KPNA1: variants seen among roughly 807,000 people sequenced by gnomAD.
KPNA1 encodes importin subunit alpha-5.
A neutral mutation model predicts 70.5 loss-of-function variants in KPNA1; 10 were observed. The ratio of observed to expected loss-of-function variants is 0.14; its 90% CI spans 0.09 to 0.24. The LOEUF (loss-of-function observed/expected upper bound fraction) is 0.24. Among genes scored for constraint, KPNA1 ranks in the 10% least tolerant of loss-of-function variants. The probability of loss-of-function intolerance (pLI) is 1.00; values close to 1 mark genes in which losing one functional copy is unlikely to be tolerated. For synonymous variants in KPNA1, 192 were observed against 221.9 expected (o/e 0.87, Z 1.20); for missense variants, 397 against 637.9 (o/e 0.62, Z 4.07).
At chr3:122,433,391 T>G (rs1453092676) in intron 12 of KPNA1, 1 of 312,422 alleles carries the variant, frequency 3.2e-6, no homozygotes, top group Admixed American at 4.9e-5. Context: ...AAGCCTCGAC[T>G]ATGCCTACTT....
rs1487539740 is a variant in KPNA1 at position 122,436,948 on chromosome 3, T to A, written c.1122+222A>T. ...ACCTGCCACTGCGACTGGCTAATTTTTTTGTATTTTTAGTAGAGACAAGGT... is the reference window on the plus strand; with the variant it reads ...ACCTGCCACTGCGACTGGCTAATTTATTTGTATTTTTAGTAGAGACAAGGT... On this transcript the variant is annotated intron_variant, in intron 11 of 13. Coordinates refer to ENST00000344337, the MANE Select transcript of KPNA1 (RefSeq NM_002264.4). 4.6e-5 allele frequency among the ~76,000 whole-genome samples: 7 copies of A among 152,220 alleles called. No homozygotes were observed. The East Asian group carries it at 1.4e-3, about 29-fold the overall frequency.
intron 2 of KPNA1, among the ~76,000 whole-genome samples, chr3:122,489,620 G>A (rs1014325593): frequency 6.6e-6 from 1 of 152,020 alleles, no homozygotes; most frequent in East Asian, 1.9e-4. Flanking sequence ...CATGGAATAT[G>A]GTATGGTTAT....
intron 12 of KPNA1, among the ~76,000 whole-genome samples, chr3:122,429,218 A>G (rs1032312145): frequency 1.3e-5 from 2 of 152,166 alleles, no homozygotes; most frequent in African/African-American, 2.4e-5. Flanking sequence ...CGGGAGGCCA[A>G]CGCGGGTGGA....
chr3:122,431,724 C>A (rs868036464), intron 12 of KPNA1, among the ~76,000 whole-genome samples: 13 of 151,998 alleles, frequency 8.6e-5, no homozygotes, highest in South Asian at 4.1e-4. Context: ...GCTTCTCTAA[C>A]AGAGCAAAAT....
chr3:122,425,873 G>A lies in KPNA1; in HGVS notation c.*1112C>T, dbSNP rs555510827. The A allele has an allele frequency of 1.3e-5, 2 of 152,606 alleles. No homozygotes were observed. The highest frequency in any genetic ancestry group is 2.1e-4 in the South Asian group (1 of 4,826). 9.5% of individuals were successfully genotyped at this position (152,606 alleles called of 1,614,324 possible). A position where few individuals can be genotyped will look rare whatever the true frequency, so the allele number is the denominator to read the frequency against. On this transcript the variant is annotated 3_prime_UTR_variant, in exon 14 of 14. Transcript: ENST00000344337. ...ATAAGGATGCTACATTAAAGGAATCGTGTGCAGCATGAAAAGATTAGAATC... is the reference window on the plus strand; with the variant it reads ...ATAAGGATGCTACATTAAAGGAATCATGTGCAGCATGAAAAGATTAGAATC...
chr3:122,485,955 G>A (rs989416888), intron 2 of KPNA1, among the ~76,000 whole-genome samples: 2 of 152,098 alleles, frequency 1.3e-5, no homozygotes, highest in Admixed American at 6.6e-5. Flanking sequence ...CCTCAGAATA[G>A]CTGAAATAGA....
At chr3:122,472,896 C>T (rs759246465) in intron 2 of KPNA1, among the ~76,000 whole-genome samples, 9 of 151,888 alleles carry the variant, frequency 5.9e-5, no homozygotes, top group Non-Finnish European at 8.8e-5. Context: ...GTGTGGCCAA[C>T]GCGGCAAAAC....
intron 1 of KPNA1, among the ~76,000 whole-genome samples, chr3:122,506,210 A>AT (rs1200196848): frequency 6.6e-6 from 1 of 152,244 alleles, no homozygotes; most frequent in Admixed American, 6.5e-5. Context: ...TTTAAAATCC[A>AT]TAATACTCTT....
At chr3:122,446,483 A>G (rs1045821451) in intron 9 of KPNA1, among the ~76,000 whole-genome samples, 1 of 152,260 alleles carries the variant, frequency 6.6e-6, no homozygotes, top group Non-Finnish European at 1.5e-5. Context: ...ATGAAAACAA[A>G]GACACAACAT....
intron 10 of KPNA1, among the ~76,000 whole-genome samples, chr3:122,441,090 T>C (rs1027728710): frequency 5.3e-5 from 8 of 152,204 alleles, no homozygotes; most frequent in African/African-American, 1.9e-4. Context: ...GGGTAATCAC[T>C]GACATTATAA....
At chr3:122,493,478 C>A (rs1225651947) in intron 2 of KPNA1, among the ~76,000 whole-genome samples, 1 of 152,090 alleles carries the variant, frequency 6.6e-6, no homozygotes, top group Non-Finnish European at 1.5e-5. Flanking sequence ...GAGGGATATA[C>A]TGTTGAGAAG....
intron 5 of KPNA1, among the ~76,000 whole-genome samples, chr3:122,454,684 A>G (rs1319655498): frequency 6.6e-6 from 1 of 152,210 alleles, no homozygotes; most frequent in African/African-American, 2.4e-5. Flanking sequence ...CATAATGAAA[A>G]GAAATGACAA....
intron 4 of KPNA1, among the ~76,000 whole-genome samples, chr3:122,462,219 A>G (rs2076331702): frequency 6.8e-6 from 1 of 147,356 alleles, no homozygotes; most frequent in African/African-American, 2.5e-5. Flanking sequence ...ATAGGCAACA[A>G]CAACAACAAA....
At chr3:122,503,281 A>C (rs2076851342) in intron 1 of KPNA1, among the ~76,000 whole-genome samples, 1 of 152,142 alleles carries the variant, frequency 6.6e-6, no homozygotes, top group Admixed American at 6.5e-5. Context: ...AAAGAAAGAA[A>C]GAATAAATGA....
intron 2 of KPNA1, among the ~76,000 whole-genome samples, chr3:122,468,724 AAC>A (rs2076409006): frequency 6.6e-6 from 1 of 152,232 alleles, no homozygotes; most frequent in Non-Finnish European, 1.5e-5. Context: ...AGCATACAAG[AAC>A]AGATAGGCAA....
intron 5 of KPNA1, chr3:122,460,112 C>G (rs2076307049): frequency 2.0e-6 from 2 of 985,200 alleles, no homozygotes; most frequent in Middle Eastern, 5.2e-4. Flanking sequence ...ATTTTTATAG[C>G]TGCATAGTCT....
chr3:122,441,634 T>C (rs1299373397), intron 10 of KPNA1, among the ~76,000 whole-genome samples: 1 of 151,990 alleles, frequency 6.6e-6, no homozygotes, highest in Non-Finnish European at 1.5e-5. Context: ...GGAGTCTCAC[T>C]CTGTTGCCCA....
At chr3:122,459,534 T>C in intron 5 of KPNA1, 1 of 985,488 alleles carries the variant, frequency 1.0e-6, no homozygotes. Context: ...GGGATCAGGC[T>C]CTGTTCTCTG....
intron 12 of KPNA1, among the ~76,000 whole-genome samples, chr3:122,429,864 C>A (rs143450213): frequency 6.6e-6 from 1 of 152,110 alleles, no homozygotes; most frequent in Non-Finnish European, 1.5e-5. Flanking sequence ...AATAGAGGGC[C>A]CAGACATTCA....
Sources: allele counts gnomAD v4.1 joint callset (sites outside exome capture counted in the v4.1 genomes callset), GRCh38; gene constraint gnomAD v4.1.1; transcripts MANE v1.5; gene names NCBI Gene and HGNC (gene_info 2026-07-23, HGNC 2026-07-21).